The following EMP1 variants were observed in gnomAD, a reference collection of about 807,000 sequenced individuals.
EMP1 encodes epithelial membrane protein 1.
Under a neutral mutation model 15.7 loss-of-function variants are expected in EMP1, and 5 were observed. The observed-to-expected ratio is 0.32, with a 90% confidence interval of 0.17 to 0.67. EMP1 has a LOEUF of 0.67. Ranked by LOEUF, EMP1 falls within the 30% of genes least tolerant of loss-of-function variation. The pLI, the probability that EMP1 is intolerant of heterozygous loss-of-function variation, is 0.74. For missense variants in EMP1, 166 were observed against 194.2 expected (o/e 0.85, Z 0.86); for synonymous variants, 78 against 76.7 (o/e 1.02, Z -0.09).
intron 2 of EMP1, among the ~76,000 whole-genome samples, chr12:13,213,114 T>C (rs1864181626): frequency 6.6e-6 from 1 of 152,258 alleles, no homozygotes; most frequent in Non-Finnish European, 1.5e-5. Flanking sequence ...TTAGAGTATA[T>C]GAACTGCACA....
chr12:13,212,780 T>G (rs1864177508), intron 2 of EMP1, among the ~76,000 whole-genome samples: 1 of 152,218 alleles, frequency 6.6e-6, no homozygotes, highest in South Asian at 2.1e-4. Context: ...ACACTGCACT[T>G]GTTTTCTCTT....
At chr12:13,201,207 G>C (rs1010900407) in intron 1 of EMP1, among the ~76,000 whole-genome samples, 4 of 152,148 alleles carry the variant, frequency 2.6e-5, no homozygotes, top group Non-Finnish European at 5.9e-5. Flanking sequence ...AGGAGTTTGA[G>C]ACCAGTCTGG....
chr12:13,216,250 C>G lies in EMP1; in HGVS notation c.*1559C>G, dbSNP rs1864214359. On this transcript the variant is annotated 3_prime_UTR_variant, in exon 5 of 5. Coordinates refer to ENST00000256951, the MANE Select transcript of EMP1 (RefSeq NM_001423.3). ...CATCTTGCCTACTTTTCTTTATTAG[C>G]TTTCTCCTCATCCATTTCTTTTATA... is the stretch of plus-strand genomic sequence containing the variant. The G allele has an allele frequency of 1.3e-5, 8 of 619,162 alleles. No homozygotes were observed. The East Asian group carries it at 2.2e-4, about 17-fold the overall frequency. 38.4% of individuals were successfully genotyped at this position (619,162 alleles called of 1,614,324 possible). A position where few individuals can be genotyped will look rare whatever the true frequency, so the allele number is the denominator to read the frequency against.
intron 4 of EMP1, 178 bp from the exon 5 acceptor site, chr12:13,214,356 C>A: frequency 1.3e-6 from 1 of 794,880 alleles, no homozygotes; most frequent in Non-Finnish European, 1.9e-6. Context: ...TCTAATTTAT[C>A]AACATACCGT....
chr12:13,206,277 A>G (rs1344895477), intron 1 of EMP1, among the ~76,000 whole-genome samples: 1 of 152,186 alleles, frequency 6.6e-6, no homozygotes, highest in Non-Finnish European at 1.5e-5. Context: ...TTAAGCTGCC[A>G]GGGAAATGCC....
rs1007336069 is a variant in EMP1 at position 13,211,015 on chromosome 12, G to A, written c.-42-454G>A. On this transcript the variant is annotated intron_variant, in intron 1 of 4. Transcript: ENST00000256951. The surrounding 1 kb of genome is among the most constrained non-coding windows in gnomAD (Gnocchi z 4.7). ...CATTTACTTCTATTAAAAGTGCTGG[G>A]TGAGCAATTTGATGAAAGCATGGAC... Among the ~76,000 whole-genome samples, 4 of 152,184 alleles carry A rather than the reference G, an allele frequency of 2.6e-5. No individual in the cohort carries two copies. Among genetic ancestry groups the A allele is most frequent in the Non-Finnish European group, 4.4e-5 (3 of 68,040 alleles).
In EMP1 at chr12:13,196,795, A is replaced by G. The variant is rs1864018988; in HGVS notation, c.-120A>G. 1 of 152,236 alleles carries G rather than the reference A, an allele frequency of 6.6e-6. No homozygotes were observed. Among genetic ancestry groups the G allele is most frequent in the Non-Finnish European group, 1.5e-5 (1 of 68,124 alleles). The allele number at this position is 152,236 out of a possible 1,614,324, so 9.4% of individuals were successfully genotyped here. A position where few individuals can be genotyped will look rare whatever the true frequency, so the allele number is the denominator to read the frequency against. ...GCAGGTCCTTCCCCTCAGTGCGGTC[A>G]CATACTTCCAGAAGAGCGGACCAGG... On this transcript the variant is annotated 5_prime_UTR_variant, in exon 1 of 5. Transcript: ENST00000256951.
At chr12:13,203,339 C>G (rs965421729) in intron 1 of EMP1, among the ~76,000 whole-genome samples, 1 of 152,230 alleles carries the variant, frequency 6.6e-6, no homozygotes, top group Non-Finnish European at 1.5e-5. Flanking sequence ...GGAACATCGC[C>G]TGATCCCTTG....
At chr12:13,198,687 C>T (rs1409199476) in intron 1 of EMP1, among the ~76,000 whole-genome samples, 1 of 152,208 alleles carries the variant, frequency 6.6e-6, no homozygotes, top group Non-Finnish European at 1.5e-5. Context: ...CCAGTCAACA[C>T]ACGGAAAGCC....
chr12:13,204,330 A>G (rs1231912320), intron 1 of EMP1, among the ~76,000 whole-genome samples: 3 of 152,106 alleles, frequency 2.0e-5, no homozygotes, highest in Non-Finnish European at 4.4e-5. Context: ...CAACAATAAC[A>G]GTGGCCAGAG....
chr12:13,214,328 C>T, intron 4 of EMP1: 2 of 672,340 alleles, frequency 3.0e-6, no homozygotes, highest in Middle Eastern at 4.1e-4. Flanking sequence ...CCAGTGCAGA[C>T]ATGAGAGCCC....
chr12:13,199,108 G>A (rs1403527759), intron 1 of EMP1: 2 of 152,352 alleles, frequency 1.3e-5, no homozygotes, highest in Admixed American at 6.5e-5. Context: ...AACTGTCTTG[G>A]GAGTTGGCAA....
intron 2 of EMP1, among the ~76,000 whole-genome samples, chr12:13,212,152 A>G (rs543465792): frequency 6.6e-6 from 1 of 152,314 alleles, no homozygotes; most frequent in African/African-American, 2.4e-5. Context: ...GTAGCATGTG[A>G]AAGTGGAGTT....
At chr12:13,197,262 C>G (rs1226920019) in intron 1 of EMP1, among the ~76,000 whole-genome samples, 4 of 152,154 alleles carry the variant, frequency 2.6e-5, no homozygotes, top group Non-Finnish European at 5.9e-5. Flanking sequence ...AGATGTTTTT[C>G]ACCTCCTCCG....
At chr12:13,214,371 C>A in intron 4 of EMP1, 163 bp from the exon 5 acceptor site, 2 of 923,768 alleles carry the variant, frequency 2.2e-6, no homozygotes, top group Non-Finnish European at 3.2e-6. Context: ...TACCGTCGAG[C>A]TTGGCCCAGG....
intron 1 of EMP1, among the ~76,000 whole-genome samples, chr12:13,205,912 G>T (rs539824293): frequency 6.6e-6 from 1 of 152,198 alleles, no homozygotes; most frequent in African/African-American, 2.4e-5. Context: ...CTTGAGGTGC[G>T]TGGAGCCTCT....
chr12:13,205,344 A>C (rs1864102168), intron 1 of EMP1, among the ~76,000 whole-genome samples: 1 of 152,214 alleles, frequency 6.6e-6, no homozygotes, highest in Non-Finnish European at 1.5e-5. Flanking sequence ...TGTATATTCA[A>C]ATGCACTCAG....
At chr12:13,200,128 C>T (rs1864051294) in intron 1 of EMP1, among the ~76,000 whole-genome samples, 1 of 152,118 alleles carries the variant, frequency 6.6e-6, no homozygotes, top group Admixed American at 6.6e-5. Flanking sequence ...CATGTATGTA[C>T]ATAGCTGCCT....
intron 1 of EMP1, chr12:13,209,315 G>A (rs1036768151): frequency 4.6e-5 from 7 of 152,230 alleles, no homozygotes; most frequent in Admixed American, 3.9e-4. Context: ...GGCTGAGAAA[G>A]TGAACTTTCT....
Sources: allele counts gnomAD v4.1 joint callset (sites outside exome capture counted in the v4.1 genomes callset), GRCh38; gene constraint gnomAD v4.1.1; non-coding constraint Gnocchi (gnomAD v3.1); transcripts MANE v1.5; gene names NCBI Gene and HGNC (gene_info 2026-07-23, HGNC 2026-07-21).